HTR5A: variants seen among roughly 807,000 people sequenced by gnomAD.
HTR5A encodes the protein 5-HT-5.
A neutral mutation model predicts 24.3 loss-of-function variants in HTR5A; 21 were observed. The observed-to-expected ratio is 0.86, with a 90% confidence interval of 0.61 to 1.24. The LOEUF is 1.24. Among genes scored for constraint, HTR5A ranks in the 50% most tolerant of loss-of-function variants. HTR5A has a pLI of 0.00. For missense variants in HTR5A, 497 were observed against 489.5 expected, an observed-to-expected ratio of 1.02 and a Z score of -0.15; for synonymous variants, 260 against 213.7, an observed-to-expected ratio of 1.22 and a Z score of -1.89.
chr7:155,083,896 G>A (rs1219198734), intron 1 of HTR5A, among the ~76,000 whole-genome samples: 2 of 152,152 alleles, frequency 1.3e-5, no homozygotes, highest in Admixed American at 6.5e-5. Context: ...TGAACAGACA[G>A]CAATAGGGAG....
At chr7:155,075,829 A>G (rs1394860083) in intron 1 of HTR5A, among the ~76,000 whole-genome samples, 2 of 151,224 alleles carry the variant, frequency 1.3e-5, no homozygotes, top group Non-Finnish European at 2.9e-5. Context: ...TAATGCAGGC[A>G]TTATTTACTA....
In HTR5A at chr7:155,071,677, G is replaced by C. The variant is rs189945225; in HGVS notation, c.741+37G>C. The C allele has an allele frequency of 4.2e-4, 675 of 1,601,388 alleles. 1 individual carries two copies. The highest frequency in any genetic ancestry group is 2.7e-3 in the African/African-American group (200 of 74,844). On this transcript the variant is annotated intron_variant, in intron 1 of 1. Coordinates refer to ENST00000287907, the MANE Select transcript of HTR5A (RefSeq NM_024012.4). Reference sequence around the variant, plus strand: ...AGCAATCCTTAAAAATACTCGACTTGCATCTGTACAGGCTATATCCCCAGG... The same window carrying C: ...AGCAATCCTTAAAAATACTCGACTTCCATCTGTACAGGCTATATCCCCAGG...
At chr7:155,073,863 G>GTGTATATATA (rs1563419420) in intron 1 of HTR5A, among the ~76,000 whole-genome samples, 1 of 68,102 alleles carries the variant, frequency 1.5e-5, no homozygotes, top group African/African-American at 5.3e-5. Flanking sequence ...ATGTGTGTGT[G>GTGTATATATA]TGTATATATA....
At chr7:155,080,898 T>C (rs1423070578) in intron 1 of HTR5A, among the ~76,000 whole-genome samples, 7 of 152,150 alleles carry the variant, frequency 4.6e-5, no homozygotes, top group Admixed American at 4.6e-4. Context: ...CTCAGAAGTG[T>C]GTTTATTGGG....
Position 155,085,561 on chromosome 7 carries a change from C to T in HTR5A, c.*1074C>T, listed in dbSNP as rs893415203. The T allele has an allele frequency of 1.9e-4, 29 of 151,752 alleles. No homozygotes were observed. The highest frequency in any genetic ancestry group is 6.6e-4 in the African/African-American group (27 of 41,062). The allele number at this position is 151,752 out of a possible 1,614,324, so 9.4% of individuals were successfully genotyped here. A position where few individuals can be genotyped will look rare whatever the true frequency, so the allele number is the denominator to read the frequency against. ...ACAATGGTAAAATGCAGCCCCAGTCCTCTACAAATTGACAGTATAATTTAT... is the reference window on the plus strand; with the variant it reads ...ACAATGGTAAAATGCAGCCCCAGTCTTCTACAAATTGACAGTATAATTTAT... On this transcript the variant is annotated 3_prime_UTR_variant, in exon 2 of 2. Transcript: ENST00000287907.
At chr7:155,077,973 T>G (rs1289645672) in intron 1 of HTR5A, among the ~76,000 whole-genome samples, 1 of 152,204 alleles carries the variant, frequency 6.6e-6, no homozygotes, top group Non-Finnish European at 1.5e-5. Flanking sequence ...TCCTTGGAAG[T>G]TTAAAAAGAC....
intron 1 of HTR5A, chr7:155,074,455 T>C (rs1171486470): frequency 1.3e-5 from 2 of 152,108 alleles, no homozygotes; most frequent in Non-Finnish European, 2.9e-5. Context: ...CACGGATTGG[T>C]GGATTTTTGA....
At position 155,084,283 on chromosome 7, in the gene HTR5A, C is replaced by T. The variant is rs1323660611; in HGVS notation, c.870C>T (p.Leu290=). The T allele has an allele frequency of 1.2e-6, 2 of 1,614,206 alleles. No individual in the cohort carries two copies. The highest frequency in any genetic ancestry group is 1.7e-6 in the Non-Finnish European group (2 of 1,180,038). ...EQRAALMVGI[L]IGVFVLCWIP... ...GGGCCGCCCTCATGGTGGGCATCCT[C>T]ATTGGCGTGTTCGTGCTCTGCTGGA... Residue 290 remains leucine, a synonymous_variant, in exon 2 of 2, where the codon CTC becomes CTT. Transcript: ENST00000287907.
In HTR5A at chr7:155,071,139, A is replaced by T. The variant is rs1036731010; in HGVS notation, c.240A>T (p.Ala80=). The change falls in exon 1 of 2, where the codon GCA becomes GCT. Residue 80 remains alanine, a synonymous_variant. Coordinates refer to ENST00000287907, the MANE Select transcript of HTR5A (RefSeq NM_024012.4). ...TFHRVPHNLV[A]SMAVSDVLVA... is the part of the protein sequence containing the mutation. ...ACCGCGTGCCCCACAACCTGGTGGCATCCATGGCCGTCTCGGATGTCCTGG... is the reference window on the plus strand; with the variant it reads ...ACCGCGTGCCCCACAACCTGGTGGCTTCCATGGCCGTCTCGGATGTCCTGG... 3 of 1,604,744 alleles carry T rather than the reference A, an allele frequency of 1.9e-6. No homozygotes were observed. Among genetic ancestry groups the T allele is most frequent in the Non-Finnish European group, 2.5e-6 (3 of 1,179,906 alleles).
chr7:155,084,259 G>A lies in HTR5A; in HGVS notation c.846G>A (p.Arg282=), dbSNP rs1195895254. 2 of 1,614,114 alleles carry A rather than the reference G, an allele frequency of 1.2e-6. No homozygotes were observed. Among genetic ancestry groups the A allele is most frequent in the East Asian group, 2.2e-5 (1 of 44,864 alleles). The change falls in exon 2 of 2, where the codon CGG becomes CGA. Residue 282 remains arginine, a synonymous_variant. Coordinates refer to ENST00000287907, the MANE Select transcript of HTR5A (RefSeq NM_024012.4). ...GDTWREQKEQ[R]AALMVGILIG... The stretch of plus-strand genomic sequence containing the variant: ...CGTGGCGGGAGCAGAAGGAGCAGCG[G>A]GCCGCCCTCATGGTGGGCATCCTCA...
chr7:155,074,617 C>T (rs1795341366), intron 1 of HTR5A: 2 of 152,148 alleles, frequency 1.3e-5, no homozygotes, highest in Non-Finnish European at 2.9e-5. Flanking sequence ...TATAGACATC[C>T]AGGAGGTAGA....
chr7:155,070,745 C>A lies in HTR5A; in HGVS notation c.-155C>A. 1 of 782,846 alleles carries A rather than the reference C, an allele frequency of 1.3e-6. No individual in the cohort carries two copies. Among genetic ancestry groups the A allele is most frequent in the African/African-American group, 1.7e-5 (1 of 58,176 alleles). 48.5% of individuals were successfully genotyped at this position (782,846 alleles called of 1,614,324 possible). On this transcript the variant is annotated 5_prime_UTR_variant, in exon 1 of 2. Coordinates refer to ENST00000287907, the MANE Select transcript of HTR5A (RefSeq NM_024012.4). ...ACCATCTCCAACGGATGCTCACTAG[C>A]AGGAAATTGGGGCCAAATTCACAGG...
At chr7:155,080,687 A>T (rs1209205709) in intron 1 of HTR5A, among the ~76,000 whole-genome samples, 1 of 152,206 alleles carries the variant, frequency 6.6e-6, no homozygotes, top group Non-Finnish European at 1.5e-5. Flanking sequence ...ATCATCCATG[A>T]TTCGGGGCAG....
chr7:155,080,861 A>G (rs897887849), intron 1 of HTR5A, among the ~76,000 whole-genome samples: 1 of 152,118 alleles, frequency 6.6e-6, no homozygotes, highest in Admixed American at 6.5e-5. Flanking sequence ...TTCTGCTGGA[A>G]TGGGGTTTTC....
chr7:155,081,767 C>T (rs2150820786), intron 1 of HTR5A, among the ~76,000 whole-genome samples: 1 of 152,216 alleles, frequency 6.6e-6, no homozygotes, highest in African/African-American at 2.4e-5. Flanking sequence ...CATTTGAGGG[C>T]ATTAGAAACC....
In HTR5A at chr7:155,071,576, CT is replaced by C. The variant is rs1213970082; in HGVS notation, c.678del (p.Ala227ProfsTer22). 6.2e-7 allele frequency: 1 copy of C among 1,614,206 alleles called. No homozygotes were observed. Among genetic ancestry groups the C allele is most frequent in the Admixed American group, 1.7e-5 (1 of 60,028 alleles). On this transcript the variant is annotated frameshift_variant, in exon 1 of 2. Transcript: ENST00000287907. LOFTEE classifies it high-confidence loss of function. ...VLFVYWKIYK[A>X]AKFRVGSRKT... ...TTCGTGTACTGGAAGATCTACAAGG[CT>C]GCCAAGTTCCGCGTGGGCTCCAGGA...
At chr7:155,073,982 C>T (rs1188869263) in intron 1 of HTR5A, among the ~76,000 whole-genome samples, 3 of 150,106 alleles carry the variant, frequency 2.0e-5, no homozygotes, top group African/African-American at 7.4e-5. Context: ...GGCCCCTTGG[C>T]TTAGCAAAAG....
At position 155,086,551 on chromosome 7, in the gene HTR5A, G is replaced by A. The variant is rs1308120781; in HGVS notation, c.*2064G>A. On this transcript the variant is annotated 3_prime_UTR_variant, in exon 2 of 2. Transcript: ENST00000287907. ...ATTAATGTTTTCATAAGATGGATAA[G>A]CCTCATTATTCTTATCACTCAATAT... Among the ~76,000 whole-genome samples the A allele has an allele frequency of 1.3e-5, 2 of 152,134 alleles. No homozygotes were observed. Among genetic ancestry groups the A allele is most frequent in the Admixed American group, 6.5e-5 (1 of 15,282 alleles).
In HTR5A at chr7:155,085,895, A is replaced by T. The variant is rs1188507683; in HGVS notation, c.*1408A>T. The T allele has an allele frequency of 6.6e-6, 1 of 152,248 alleles. No homozygotes were observed. Among genetic ancestry groups the T allele is most frequent in the African/African-American group, 2.4e-5 (1 of 41,460 alleles). The allele number at this position is 152,248 out of a possible 1,614,324, so 9.4% of individuals were successfully genotyped here. On this transcript the variant is annotated 3_prime_UTR_variant, in exon 2 of 2. Coordinates refer to ENST00000287907, the MANE Select transcript of HTR5A (RefSeq NM_024012.4). ...TGCAAAGACTAGCTTTATCAAAAGA[A>T]TGTGAGCAGATAAAGAAATGTTAGA...
Sources: allele counts gnomAD v4.1 joint callset (sites outside exome capture counted in the v4.1 genomes callset), GRCh38; gene constraint gnomAD v4.1.1; transcripts MANE v1.5; gene names NCBI Gene and HGNC (gene_info 2026-07-23, HGNC 2026-07-21).